NCOR2: variants seen among roughly 807,000 people sequenced by gnomAD.
NCOR2 encodes the protein nuclear receptor corepressor 2.
NCOR2 carries 81 observed loss-of-function variants against 262.9 expected under a neutral mutation model. The observed-to-expected ratio is 0.31, with a 90% CI of 0.26 to 0.37. The LOEUF is 0.37. Among genes scored for constraint, NCOR2 ranks in the 10% least tolerant of loss-of-function variants. The probability of loss-of-function intolerance (pLI) is 1.00; values close to 1 mark genes in which losing one functional copy is unlikely to be tolerated. For missense variants in NCOR2, 3,385 were observed against 3,621.4 expected, an observed-to-expected ratio of 0.93 and a Z score of 1.68; for synonymous variants, 1,659 against 1,559.3, an observed-to-expected ratio of 1.06 and a Z score of -1.51.
chr12:124,385,453 A>G (rs1323124244), intron 17 of NCOR2, among the ~76,000 whole-genome samples: 1 of 152,198 alleles, frequency 6.6e-6, no homozygotes, highest in Non-Finnish European at 1.5e-5. Context: ...ACCGTGAGAC[A>G]GGGCTGAGGG....
chr12:124,556,152 G>A (rs1281490446), intron 1 of NCOR2: 2 of 152,332 alleles, frequency 1.3e-5, no homozygotes, highest in African/African-American at 4.8e-5. Context: ...GCCAAGCTCA[G>A]TGCTAGCAAG....
intron 22 of NCOR2, among the ~76,000 whole-genome samples, chr12:124,359,611 C>A (rs758644400): frequency 6.6e-6 from 1 of 152,248 alleles, no homozygotes; most frequent in Non-Finnish European, 1.5e-5. Flanking sequence ...CTGGACCTGG[C>A]CCCTCTGGCT....
intron 7 of NCOR2, among the ~76,000 whole-genome samples, chr12:124,442,041 A>C (rs1001729322): frequency 6.6e-6 from 1 of 152,262 alleles, no homozygotes; most frequent in Non-Finnish European, 1.5e-5. Context: ...CTGGACCAGA[A>C]AACAGACGTT....
chr12:124,398,395 G>A (rs1223473105), intron 15 of NCOR2, among the ~76,000 whole-genome samples: 2 of 152,246 alleles, frequency 1.3e-5, no homozygotes, highest in East Asian at 3.8e-4. Flanking sequence ...ATGCTGGGCT[G>A]GAGCTGTGCT....
In NCOR2 at chr12:124,378,184, T is replaced by G. The variant is rs2040165998; in HGVS notation, c.2167+53A>C. ...GGATCAGTTCCCGCTATGCCCTCCC[T>G]CAGAGCTCGGACCCACAGCTGCCAG... On this transcript the variant is annotated intron_variant, in intron 18 of 46. Transcript: ENST00000405201. The surrounding 1 kb of genome is among the most constrained non-coding windows in gnomAD (Gnocchi z 4.2). 6.3e-7 allele frequency: 1 copy of G among 1,591,894 alleles called. No homozygotes were observed. Among genetic ancestry groups the G allele is most frequent in the Admixed American group, 1.7e-5 (1 of 58,458 alleles).
intron 1 of NCOR2, among the ~76,000 whole-genome samples, chr12:124,554,906 G>A (rs1408775189): frequency 6.6e-6 from 1 of 152,268 alleles, no homozygotes; most frequent in East Asian, 1.9e-4. Flanking sequence ...GTGACCCGGA[G>A]GGGAATGGGT....
At chr12:124,372,097 G>A (rs1361747043) in exon 20 of NCOR2, 3 of 1,602,990 alleles carry the variant, frequency 1.9e-6, no homozygotes, top group South Asian at 1.1e-5. Flanking sequence ...GTCCTGGGGG[G>A]CGCCCGAGCT....
intron 16 of NCOR2, among the ~76,000 whole-genome samples, chr12:124,394,449 C>T (rs930315873): frequency 1.3e-5 from 2 of 152,130 alleles, no homozygotes; most frequent in East Asian, 1.9e-4. Context: ...GGAGAGCATC[C>T]CCCCAACATT....
At chr12:124,438,392 C>T (rs987712337) in intron 7 of NCOR2, among the ~76,000 whole-genome samples, 3 of 152,084 alleles carry the variant, frequency 2.0e-5, no homozygotes, top group African/African-American at 7.2e-5. Flanking sequence ...CCTGCTGCCG[C>T]CCACAGGCCG....
intron 44 of NCOR2, among the ~76,000 whole-genome samples, chr12:124,329,734 C>T (rs541269283): frequency 3.9e-4 from 59 of 152,158 alleles, no homozygotes; most frequent in Admixed American, 2.7e-3. Flanking sequence ...ACAGAAAGAC[C>T]GTGTCTTAAA....
chr12:124,348,650 G>A (rs1158777083), intron 28 of NCOR2: 3 of 376,014 alleles, frequency 8.0e-6, no homozygotes, highest in African/African-American at 4.2e-5. Flanking sequence ...CACACCCACG[G>A]GTGCCGACAT....
chr12:124,473,279 G>A (rs140631543), intron 3 of NCOR2, 148 bp from the exon 6 acceptor site: 3 of 1,002,280 alleles, frequency 3.0e-6, no homozygotes, highest in Non-Finnish European at 4.4e-6. Context: ...GTTGCCAAAG[G>A]AGATTAACAT....
Position 124,334,409 on chromosome 12 carries a change from C to T in NCOR2, c.6605+15G>A. Reference sequence around the variant, plus strand: ...GCCGGCTGACCAGCAAGAGGCACCCCCATCCCTCGCTCACCTCTTGCCCCC... The same window carrying T: ...GCCGGCTGACCAGCAAGAGGCACCCTCATCCCTCGCTCACCTCTTGCCCCC... On this transcript the variant is annotated intron_variant, in intron 41 of 46. Transcript: ENST00000405201. The T allele has an allele frequency of 6.6e-7, 1 of 1,521,636 alleles. No individual in the cohort carries two copies. Among genetic ancestry groups the T allele is most frequent in the Non-Finnish European group, 8.8e-7 (1 of 1,134,562 alleles). The allele number at this position is 1,521,636 out of a possible 1,614,324, so 94.3% of individuals were successfully genotyped here. A position where few individuals can be genotyped will look rare whatever the true frequency, so the allele number is the denominator to read the frequency against.
intron 1 of NCOR2, among the ~76,000 whole-genome samples, chr12:124,553,046 C>T (rs188893100): frequency 2.0e-5 from 3 of 152,298 alleles, no homozygotes; most frequent in African/African-American, 7.2e-5. Flanking sequence ...TCTAACAGAG[C>T]TAAATTCAAG....
At chr12:124,392,637 G>C (rs570966134) in intron 16 of NCOR2, among the ~76,000 whole-genome samples, 1 of 152,344 alleles carries the variant, frequency 6.6e-6, no homozygotes, top group South Asian at 2.1e-4. Context: ...GCTTTGTGCG[G>C]CAGAGCACAC....
chr12:124,441,399 G>A (rs759927846), intron 7 of NCOR2, among the ~76,000 whole-genome samples: 22 of 152,144 alleles, frequency 1.4e-4, no homozygotes, highest in Non-Finnish European at 3.1e-4. Context: ...AAATCCCCAC[G>A]AGTCCATGTG....
chr12:124,352,833 G>A (rs1461210035), intron 27 of NCOR2, among the ~76,000 whole-genome samples: 3 of 152,224 alleles, frequency 2.0e-5, no homozygotes, highest in African/African-American at 7.2e-5. Flanking sequence ...AGATGAGCCT[G>A]TAGCCTCTTG....
chr12:124,341,608 G>A (rs779976368), intron 34 of NCOR2, among the ~76,000 whole-genome samples: 3 of 152,144 alleles, frequency 2.0e-5, no homozygotes, highest in Non-Finnish European at 4.4e-5. Flanking sequence ...CACCCACTGA[G>A]GATGCAGCCA....
chr12:124,405,098 A>G (rs867756242), intron 13 of NCOR2, among the ~76,000 whole-genome samples: 1 of 150,876 alleles, frequency 6.6e-6, no homozygotes, highest in South Asian at 2.1e-4. Flanking sequence ...CGCCCCATCT[A>G]CCTATCCCTA....
Sources: gnomAD v4.1 joint callset for allele counts (sites outside exome capture counted in the v4.1 genomes callset) on GRCh38, gnomAD v4.1.1 for gene constraint, Gnocchi (gnomAD v3.1) non-coding constraint, MANE v1.5 for transcripts, NCBI Gene and HGNC (gene_info 2026-07-23, HGNC 2026-07-21) for gene names.